Variants in DUSP22 observed in about 807,000 individuals in gnomAD.
DUSP22 encodes the protein dual specificity phosphatase 22.
In DUSP22, 24 loss-of-function variants were observed where a neutral mutation model predicts 24.5. The observed-to-expected ratio is 0.98, with a 90% confidence interval of 0.71 to 1.38. DUSP22 has a LOEUF of 1.38. DUSP22 is among the 40% of genes most tolerant of loss of function. DUSP22 has a pLI of 0.00. For missense variants in DUSP22, 330 were observed against 269.2 expected, an observed-to-expected ratio of 1.23 and a Z score of -1.58; for synonymous variants, 160 against 106.4, an observed-to-expected ratio of 1.50 and a Z score of -3.10.
intron 3 of DUSP22, among the ~76,000 whole-genome samples, chr6:330,351 G>A (rs1337934166): frequency 6.6e-6 from 1 of 152,308 alleles, no homozygotes; most frequent in Non-Finnish European, 1.5e-5. Context: ...TTGGCTTTGA[G>A]AGGAGAGAGA....
Position 348,811 on chromosome 6 carries a change from C to A in DUSP22, c.478C>A (p.Gln160Lys), listed in dbSNP as rs1760016472. 4 of 1,614,316 alleles carry A rather than the reference C, an allele frequency of 2.5e-6. No homozygotes were observed. Among genetic ancestry groups the A allele is most frequent in the Non-Finnish European group, 3.4e-6 (4 of 1,180,056 alleles). The change falls in exon 7 of 7, where the codon CAG (glutamine) becomes AAG (lysine). Residue 160 changes from glutamine (Q) to lysine (K), a missense_variant. Physicochemically the swap from Gln to Lys is moderately conservative, Grantham distance 53. Coordinates refer to ENST00000419235, the MANE Select transcript of DUSP22 (RefSeq NM_001286555.3). ...GGAAGAATATGGAGAGAGCCCTTTG[C>A]AGGATGCAGAAGAAGCCAAAAACAT... Reference protein sequence around the residue: ...LKEEYGESPLQDAEEAKNILG... With the variant: ...LKEEYGESPLKDAEEAKNILG...
intron 1 of DUSP22, among the ~76,000 whole-genome samples, chr6:299,413 T>G (rs1277610914): frequency 1.3e-5 from 2 of 152,300 alleles, no homozygotes; most frequent in Non-Finnish European, 2.9e-5. Flanking sequence ...GGTCAAAATT[T>G]TTGGGTTTCA....
intron 3 of DUSP22, among the ~76,000 whole-genome samples, chr6:333,741 C>T (rs1332610839): frequency 6.6e-6 from 1 of 152,298 alleles, no homozygotes; most frequent in Non-Finnish European, 1.5e-5. Context: ...CCCTGCCCCA[C>T]CTGCCCCGCA....
chr6:317,845 A>G (rs1335554356), intron 3 of DUSP22, among the ~76,000 whole-genome samples: 1 of 152,290 alleles, frequency 6.6e-6, no homozygotes, highest in Non-Finnish European at 1.5e-5. Flanking sequence ...CCCGTTCCAA[A>G]GTGAGAAATC....
At chr6:330,055 A>G (rs1283191271) in intron 3 of DUSP22, among the ~76,000 whole-genome samples, 3 of 152,304 alleles carry the variant, frequency 2.0e-5, no homozygotes, top group Non-Finnish European at 4.4e-5. Context: ...GGGGCCACAC[A>G]GGCCGGTGAA....
intron 4 of DUSP22, among the ~76,000 whole-genome samples, chr6:336,340 C>T (rs1171340737): frequency 1.3e-5 from 2 of 152,298 alleles, no homozygotes; most frequent in African/African-American, 4.8e-5. Context: ...AGTCCTCAGG[C>T]TCGTCTGGAT....
Position 348,191 on chromosome 6 carries a change from G to A in DUSP22, c.352G>A (p.Val118Met), listed in dbSNP as rs758237999. The change falls in exon 6 of 7, where the codon GTG (valine) becomes ATG (methionine). Residue 118 changes from valine (V) to methionine (M), a missense_variant. Coordinates refer to ENST00000419235, the MANE Select transcript of DUSP22 (RefSeq NM_001286555.3). ...DFGWEDALHT[V>M]RAGRSCANPN... ...TGGCTGGGAGGATGCCCTGCACACC[G>A]TGCGTGCTGGGAGATCCTGTGCCAA... 1.4e-5 allele frequency: 22 copies of A among 1,614,296 alleles called. No homozygotes were observed. Among genetic ancestry groups the A allele is most frequent in the Admixed American group, 3.3e-5 (2 of 60,034 alleles).
intron 1 of DUSP22, among the ~76,000 whole-genome samples, chr6:299,789 G>A (rs535547659): frequency 1.3e-5 from 2 of 152,426 alleles, no homozygotes; most frequent in Non-Finnish European, 1.5e-5. Context: ...CCCAGCACTA[G>A]GCCCATGCCA....
At chr6:297,749 A>G (rs1757405824) in intron 1 of DUSP22, among the ~76,000 whole-genome samples, 1 of 152,304 alleles carries the variant, frequency 6.6e-6, no homozygotes, top group African/African-American at 2.4e-5. Context: ...AGTTATCAAA[A>G]GGTGGAGTAG....
chr6:312,026 C>T (rs937064801), intron 3 of DUSP22, 64 bp downstream of exon 3: 36 of 1,537,006 alleles, frequency 2.3e-5, no homozygotes, highest in African/African-American at 5.5e-5. Context: ...GTACCTACGA[C>T]GTTAATGAAG....
chr6:333,669 A>G (rs780732893), intron 3 of DUSP22, among the ~76,000 whole-genome samples: 127 of 152,394 alleles, frequency 8.3e-4, no homozygotes, highest in Middle Eastern at 3.4e-3. Context: ...GCTGAAGTTC[A>G]GGAGTGATCC....
Position 350,780 on chromosome 6 carries a change from G to C in DUSP22, c.*1829G>C, listed in dbSNP as rs376318502. On this transcript the variant is annotated 3_prime_UTR_variant, in exon 7 of 7. Coordinates refer to ENST00000419235, the MANE Select transcript of DUSP22 (RefSeq NM_001286555.3). ...AGTGTATTCTTGGAGTTCTTGAAAT[G>C]TTGTTTTAATATTTGTTGCCAGTAA... 2 of 1,613,758 alleles carry C rather than the reference G, an allele frequency of 1.2e-6. No homozygotes were observed. Among genetic ancestry groups the C allele is most frequent in the Non-Finnish European group, 1.7e-6 (2 of 1,179,702 alleles).
At chr6:323,454 C>T (rs753631091) in intron 3 of DUSP22, among the ~76,000 whole-genome samples, 4 of 152,300 alleles carry the variant, frequency 2.6e-5, no homozygotes, top group Non-Finnish European at 2.9e-5. Flanking sequence ...GGCGTGGGAA[C>T]GAAGTAGGTG....
At position 349,938 on chromosome 6, in the gene DUSP22, CTT is replaced by C. The variant is rs1760112975; in HGVS notation, c.*989_*990del. On this transcript the variant is annotated 3_prime_UTR_variant, in exon 7 of 7. Coordinates refer to ENST00000419235, the MANE Select transcript of DUSP22 (RefSeq NM_001286555.3). Reference sequence around the variant, plus strand: ...CACTCCCAGCCTCTCGCTGTCCTCACTTTGCAGGGGCTCCTCCTCAACATTTG... The same window carrying C: ...CACTCCCAGCCTCTCGCTGTCCTCACTGCAGGGGCTCCTCCTCAACATTTG... The C allele has an allele frequency of 1.0e-6, 1 of 985,754 alleles. No individual in the cohort carries two copies. Among genetic ancestry groups the C allele is most frequent in the South Asian group, 4.7e-5 (1 of 21,300 alleles). 61.1% of individuals were successfully genotyped at this position (985,754 alleles called of 1,614,324 possible). A position where few individuals can be genotyped will look rare whatever the true frequency, so the allele number is the denominator to read the frequency against.
intron 1 of DUSP22, among the ~76,000 whole-genome samples, chr6:300,502 AG>A (rs1274806774): frequency 6.6e-6 from 1 of 152,298 alleles, no homozygotes; most frequent in African/African-American, 2.4e-5. Context: ...GGAATTCAGA[AG>A]GGAGACGCTA....
At chr6:348,593 G>A (rs1340587991) in intron 6 of DUSP22, 176 bp from the exon 7 acceptor site, 1 of 1,135,560 alleles carries the variant, frequency 8.8e-7, no homozygotes, top group South Asian at 1.5e-5. Context: ...TGAAGGAGCA[G>A]TTCCTTCTCT....
chr6:335,210 A>G (rs775097955), intron 4 of DUSP22, 47 bp downstream of exon 4: 16 of 1,598,570 alleles, frequency 1.0e-5, no homozygotes, highest in African/African-American at 1.3e-5. Flanking sequence ...AAAAAAATGA[A>G]TAGAGGATGG....
chr6:313,956 C>T (rs1317563131), intron 3 of DUSP22, among the ~76,000 whole-genome samples: 1 of 152,306 alleles, frequency 6.6e-6, no homozygotes, highest in African/African-American at 2.4e-5. Flanking sequence ...CAAAGGCAGT[C>T]TTCTGTCTTG....
chr6:335,668 A>G (rs1326683323), intron 4 of DUSP22, among the ~76,000 whole-genome samples: 2 of 152,302 alleles, frequency 1.3e-5, no homozygotes, highest in Admixed American at 6.5e-5. Context: ...TGTACTCAAT[A>G]TAAAAAATTA....
Sources: allele counts gnomAD v4.1 joint callset (sites outside exome capture counted in the v4.1 genomes callset), GRCh38; gene constraint gnomAD v4.1.1; transcripts MANE v1.5; gene names NCBI Gene and HGNC (gene_info 2026-07-23, HGNC 2026-07-21).